Variants in ACLY observed in about 807,000 individuals in gnomAD.
ACLY encodes the protein ATP-citrate synthase.
In ACLY, 41 loss-of-function variants were observed where a neutral mutation model predicts 133.0. The ratio of observed to expected loss-of-function variants is 0.31; its 90% CI spans 0.24 to 0.40. The LOEUF is 0.40. Among genes scored for constraint, ACLY ranks in the 10% least tolerant of loss-of-function variants. The pLI, the probability that ACLY is intolerant of heterozygous loss-of-function variation, is 1.00. For synonymous variants in ACLY, 495 were observed against 549.3 expected, an observed-to-expected ratio of 0.90 and a Z score of 1.38; for missense variants, 1,046 against 1,453.8, an observed-to-expected ratio of 0.72 and a Z score of 4.56.
At chr17:41,929,784 T>C (rs553969029) in intron 1 of ACLY, among the ~76,000 whole-genome samples, 2 of 152,312 alleles carry the variant, frequency 1.3e-5, no homozygotes, top group East Asian at 1.9e-4. Flanking sequence ...TTAAAAACTT[T>C]AGTACAATAA....
intron 11 of ACLY, among the ~76,000 whole-genome samples, chr17:41,900,865 A>T (rs145690264): frequency 6.6e-6 from 1 of 152,154 alleles, no homozygotes; most frequent in African/African-American, 2.4e-5. Flanking sequence ...TTACCACTGC[A>T]GGGTATGGGA....
chr17:41,919,147 G>A, upstream of ACLY: 2 of 1,067,680 alleles, frequency 1.9e-6, no homozygotes, highest in Non-Finnish European at 2.4e-6. Context: ...GGGACTTGTA[G>A]TCCCGCTGGC....
chr17:41,893,254 C>G, intron 14 of ACLY, 80 bp from the exon 15 acceptor site: 1 of 1,453,646 alleles, frequency 6.9e-7, no homozygotes, highest in Non-Finnish European at 9.3e-7. Flanking sequence ...GCCTGACAGA[C>G]CCCTCCACGC....
chr17:41,890,511 C>T (rs1178120904), intron 16 of ACLY, among the ~76,000 whole-genome samples: 2 of 150,328 alleles, frequency 1.3e-5, no homozygotes, highest in Non-Finnish European at 3.0e-5. Context: ...GGTGAAACTC[C>T]GTCTCTACTA....
chr17:41,897,052 G>C (rs2049388090), intron 13 of ACLY, among the ~76,000 whole-genome samples: 1 of 152,198 alleles, frequency 6.6e-6, no homozygotes, highest in Non-Finnish European at 1.5e-5. Context: ...TGATTGGCCA[G>C]CATGGGGTTG....
chr17:41,886,699 G>A (rs34771282), intron 17 of ACLY, among the ~76,000 whole-genome samples: 14,214 of 152,148 alleles, frequency 0.093, 794 homozygotes, highest in Non-Finnish European at 0.12. Flanking sequence ...GGAGGCTGAG[G>A]CAGGGAGATT....
rs1319455373 is a variant in ACLY, at chr17:41,883,213, T to C, written c.2174A>G (p.Tyr725Cys). Reference sequence around the variant, plus strand: ...CTCCTTGATGCCCCGGCAAATCTTATATTCCTCAGTGCCCCCAATCTGCCA... The same window carrying C: ...CTCCTTGATGCCCCGGCAAATCTTACATTCCTCAGTGCCCCCAATCTGCCA... ...VLGEIGGTEE[Y>C]KICRGIKEGR... Residue 725 changes from tyrosine to cysteine, a missense_variant, in exon 20 of 29, where the codon TAT (tyrosine) becomes TGT (cysteine). This residue lies in a region of ACLY where 575 missense variants were observed against 804.2 expected (regional missense o/e 0.71). Transcript: ENST00000352035. 1.9e-6 allele frequency: 3 copies of C among 1,613,880 alleles called. No individual in the cohort carries two copies. Among genetic ancestry groups the C allele is most frequent in the South Asian group, 1.1e-5 (1 of 91,074 alleles).
chr17:41,898,341 G>A (rs1196305367), intron 12 of ACLY, among the ~76,000 whole-genome samples: 1 of 152,156 alleles, frequency 6.6e-6, no homozygotes, highest in Non-Finnish European at 1.5e-5. Flanking sequence ...TCGAACTCCT[G>A]AGCTCAGGTG....
chr17:41,884,926 G>C (rs1372805939), intron 18 of ACLY, among the ~76,000 whole-genome samples: 2 of 152,148 alleles, frequency 1.3e-5, no homozygotes, highest in African/African-American at 4.8e-5. Flanking sequence ...CTTGAGTGTA[G>C]TGGTGCGATG....
intron 5 of ACLY, among the ~76,000 whole-genome samples, chr17:41,909,269 G>A (rs781931833): frequency 2.0e-5 from 3 of 152,190 alleles, no homozygotes; most frequent in East Asian, 1.9e-4. Context: ...GCTGTCAGGC[G>A]AGAAGCTGGA....
chr17:41,917,031 G>A (rs1483085578), intron 1 of ACLY, among the ~76,000 whole-genome samples: 1 of 151,368 alleles, frequency 6.6e-6, no homozygotes, highest in Non-Finnish European at 1.5e-5. Context: ...TAGCTACTGG[G>A]GAGGCTGAGG....
chr17:41,927,393 A>G (rs890095383), intron 1 of ACLY, among the ~76,000 whole-genome samples: 1 of 152,116 alleles, frequency 6.6e-6, no homozygotes, highest in Non-Finnish European at 1.5e-5. Context: ...TGGCCTGATC[A>G]TAGCTCAACC....
chr17:41,878,508 C>A (rs1407259963), intron 21 of ACLY, among the ~76,000 whole-genome samples: 2 of 152,096 alleles, frequency 1.3e-5, no homozygotes, highest in Non-Finnish European at 2.9e-5. Flanking sequence ...AGATAACACT[C>A]TCTAAACATT....
chr17:41,903,430 T>A (rs1444407384), intron 10 of ACLY, among the ~76,000 whole-genome samples: 1 of 151,976 alleles, frequency 6.6e-6, no homozygotes, highest in Admixed American at 6.6e-5. Flanking sequence ...CATTCCAATC[T>A]TTTGGAAAAA....
At chr17:41,879,097 GAGA>G (rs1201330187) in intron 20 of ACLY, among the ~76,000 whole-genome samples, 173 bp from the exon 21 acceptor site, 2 of 152,094 alleles carry the variant, frequency 1.3e-5, no homozygotes, top group African/African-American at 4.8e-5. Context: ...CCAAAGCACA[GAGA>G]AGTTCAGGAG....
At chr17:41,910,154 A>G in intron 4 of ACLY, 68 bp downstream of exon 4, 1 of 1,470,270 alleles carries the variant, frequency 6.8e-7, no homozygotes. Flanking sequence ...TTCTTTCCTC[A>G]GGTTACGGTG....
intron 1 of ACLY, among the ~76,000 whole-genome samples, chr17:41,917,138 A>G (rs1301868413): frequency 3.3e-5 from 5 of 150,786 alleles, no homozygotes; most frequent in African/African-American, 1.2e-4. Context: ...CTGTCTCAAA[A>G]AAAAAAAAAA....
chr17:41,899,308 T>TTAC (rs1267209358), intron 11 of ACLY, among the ~76,000 whole-genome samples: 1 of 151,878 alleles, frequency 6.6e-6, no homozygotes, highest in African/African-American at 2.4e-5. Context: ...AGAAACATAT[T>TTAC]TACTGGCAAG....
chr17:41,892,722 G>A (rs1204545847), intron 15 of ACLY, among the ~76,000 whole-genome samples: 2 of 151,852 alleles, frequency 1.3e-5, no homozygotes, highest in East Asian at 1.9e-4. Flanking sequence ...TGTCACCCGG[G>A]CTGGAGTGCA....
Sources: allele counts gnomAD v4.1 joint callset (sites outside exome capture counted in the v4.1 genomes callset), GRCh38; gene constraint gnomAD v4.1.1; regional missense constraint gnomAD v4.1.1; transcripts MANE v1.5; gene names NCBI Gene and HGNC (gene_info 2026-07-23, HGNC 2026-07-21).